The following MAPK14 variants were observed in gnomAD, a reference collection of about 807,000 sequenced individuals.
The protein encoded by MAPK14 is mitogen-activated protein kinase 14.
A neutral mutation model predicts 49.6 loss-of-function variants in MAPK14; 16 were observed. The ratio of observed to expected loss-of-function variants is 0.32; its 90% CI spans 0.22 to 0.49. The LOEUF (loss-of-function observed/expected upper bound fraction) is 0.49. Among genes scored for constraint, MAPK14 ranks in the 20% least tolerant of loss-of-function variants. MAPK14 has a pLI of 0.99. For synonymous variants in MAPK14, 142 were observed against 158.0 expected, an observed-to-expected ratio of 0.90 and a Z score of 0.76; for missense variants, 200 against 441.2, an observed-to-expected ratio of 0.45 and a Z score of 4.90.
At position 36,028,383 on chromosome 6, in the gene MAPK14, G is replaced by T; in HGVS notation, c.116+110G>T. 1.3e-6 allele frequency: 1 copy of T among 751,152 alleles called. No homozygotes were observed. 46.5% of individuals were successfully genotyped at this position (751,152 alleles called of 1,614,324 possible). A position where few individuals can be genotyped will look rare whatever the true frequency, so the allele number is the denominator to read the frequency against. ...CGTCAAGTGGCAGGAATTTTCCTCGGGGGAGGGCATTGCTGCCCCTTCGAG... is the reference window on the plus strand; with the variant it reads ...CGTCAAGTGGCAGGAATTTTCCTCGTGGGAGGGCATTGCTGCCCCTTCGAG... On this transcript the variant is annotated intron_variant, in intron 1 of 11. Transcript: ENST00000229794. The surrounding 1 kb of genome is among the most constrained non-coding windows in gnomAD (Gnocchi z 5.1).
intron 1 of MAPK14, among the ~76,000 whole-genome samples, chr6:36,036,210 C>T (rs1315264060): frequency 1.4e-5 from 2 of 141,868 alleles, no homozygotes; most frequent in African/African-American, 5.2e-5. Flanking sequence ...CAACCGAGAT[C>T]GTGCCACTGC....
At chr6:36,074,168 T>A (rs1296556468) in intron 6 of MAPK14, 72 bp downstream of exon 6, 2 of 1,130,294 alleles carry the variant, frequency 1.8e-6, no homozygotes, top group East Asian at 4.8e-5. Context: ...AGGCAGACTT[T>A]CTTAGGGAGT....
intron 8 of MAPK14, among the ~76,000 whole-genome samples, chr6:36,095,590 A>G (rs973341751): frequency 6.6e-6 from 1 of 152,168 alleles, no homozygotes; most frequent in Non-Finnish European, 1.5e-5. Context: ...TTATCAGTGC[A>G]CTTTGCTGAA....
chr6:36,033,454 T>G (rs544793435), intron 1 of MAPK14, among the ~76,000 whole-genome samples: 1 of 152,082 alleles, frequency 6.6e-6, no homozygotes, highest in Non-Finnish European at 1.5e-5. Flanking sequence ...ATAGCTGAGA[T>G]TACAAGTGCG....
chr6:36,028,400 C>T lies in MAPK14; in HGVS notation c.116+127C>T, dbSNP rs1762394094. On this transcript the variant is annotated intron_variant, in intron 1 of 11. Coordinates refer to ENST00000229794, the MANE Select transcript of MAPK14 (RefSeq NM_139012.3). This position sits in a 1 kb window ranked among gnomAD's most constrained non-coding sequence, Gnocchi z 5.1. The stretch of plus-strand genomic sequence containing the variant: ...TTTCCTCGGGGGAGGGCATTGCTGC[C>T]CCTTCGAGCTCTGCCCGTTCTGCAC... 7.6e-6 allele frequency: 5 copies of T among 660,054 alleles called. No individual in the cohort carries two copies. Among genetic ancestry groups the T allele is most frequent in the South Asian group, 7.3e-5 (4 of 55,078 alleles). 40.9% of individuals were successfully genotyped at this position (660,054 alleles called of 1,614,324 possible). A position where few individuals can be genotyped will look rare whatever the true frequency, so the allele number is the denominator to read the frequency against.
chr6:36,071,885 T>C (rs1414449205), intron 3 of MAPK14, among the ~76,000 whole-genome samples: 1 of 152,170 alleles, frequency 6.6e-6, no homozygotes, highest in Non-Finnish European at 1.5e-5. Flanking sequence ...TTTTATTTTT[T>C]GTAGAGATGG....
intron 9 of MAPK14, 82 bp downstream of exon 9, chr6:36,096,148 G>A: frequency 1.1e-6 from 1 of 949,388 alleles, no homozygotes; most frequent in South Asian, 1.4e-5. Flanking sequence ...TGACCTGGGT[G>A]TGTTTGTAAG....
intron 1 of MAPK14, among the ~76,000 whole-genome samples, chr6:36,043,664 A>G (rs1763051327): frequency 6.6e-6 from 1 of 152,182 alleles, no homozygotes; most frequent in Non-Finnish European, 1.5e-5. Context: ...GTTATTTAGA[A>G]GGCAAGTTTT....
intron 3 of MAPK14, among the ~76,000 whole-genome samples, chr6:36,066,286 G>C (rs1764054095): frequency 6.6e-6 from 1 of 151,978 alleles, no homozygotes; most frequent in African/African-American, 2.4e-5. Flanking sequence ...TCTGATCTAA[G>C]GCTATGATTA....
At chr6:36,117,777 C>T in the MAPK14 span, among the ~76,000 whole-genome samples, 1 of 152,178 alleles carries the variant, frequency 6.6e-6, no homozygotes, top group Non-Finnish European at 1.5e-5. Context: ...TGCATGTCAT[C>T]GAAGACAGAT....
intron 5 of MAPK14, 65 bp downstream of exon 5, chr6:36,073,785 T>C: frequency 6.8e-7 from 1 of 1,467,784 alleles, no homozygotes. Context: ...GAATGGCATT[T>C]AGCCAAGATC....
At chr6:36,124,061 G>T in the MAPK14 span, among the ~76,000 whole-genome samples, 2 of 151,644 alleles carry the variant, frequency 1.3e-5, no homozygotes, top group East Asian at 3.9e-4. Flanking sequence ...TGGAGGAGGT[G>T]CAGGGGAGTG....
At chr6:36,070,800 G>A (rs557817748) in intron 3 of MAPK14, among the ~76,000 whole-genome samples, 1 of 152,114 alleles carries the variant, frequency 6.6e-6, no homozygotes, top group African/African-American at 2.4e-5. Flanking sequence ...TAAATATAGT[G>A]TATTAGTTGT....
intron 8 of MAPK14, among the ~76,000 whole-genome samples, chr6:36,090,354 C>T (rs1765170479): frequency 6.6e-6 from 1 of 151,664 alleles, no homozygotes; most frequent in African/African-American, 2.4e-5. Flanking sequence ...GATGGAGTCT[C>T]ACTCTGTTGC....
At chr6:36,043,997 A>C (rs1301048916) in intron 1 of MAPK14, among the ~76,000 whole-genome samples, 1 of 151,018 alleles carries the variant, frequency 6.6e-6, no homozygotes, top group East Asian at 1.9e-4. Context: ...TTTAGTAGAG[A>C]CGGGATTTCT....
chr6:36,078,708 T>C (rs1463819608), intron 8 of MAPK14, among the ~76,000 whole-genome samples: 1 of 152,234 alleles, frequency 6.6e-6, no homozygotes, highest in Non-Finnish European at 1.5e-5. Context: ...TCTACTTGGC[T>C]CTTTTTCAGA....
intron 1 of MAPK14, among the ~76,000 whole-genome samples, chr6:36,044,925 G>A (rs1237204958): frequency 6.6e-6 from 1 of 152,122 alleles, no homozygotes; most frequent in Non-Finnish European, 1.5e-5. Flanking sequence ...CTTAGCCTAG[G>A]AGTTCAAGAC....
intron 8 of MAPK14, among the ~76,000 whole-genome samples, chr6:36,079,373 T>G (rs1383530756): frequency 6.6e-6 from 1 of 152,202 alleles, no homozygotes; most frequent in African/African-American, 2.4e-5. Context: ...TGTCACTTAT[T>G]TATGATATTT....
At chr6:36,114,946 G>A (rs1217452842), downstream of MAPK14, among the ~76,000 whole-genome samples, 1 of 152,186 alleles carries the variant, frequency 6.6e-6, no homozygotes, top group Non-Finnish European at 1.5e-5. Flanking sequence ...CTCACGAGTT[G>A]ACAGGGGGCA....
Sources: allele counts gnomAD v4.1 joint callset (sites outside exome capture counted in the v4.1 genomes callset), GRCh38; gene constraint gnomAD v4.1.1; non-coding constraint Gnocchi (gnomAD v3.1); transcripts MANE v1.5; gene names NCBI Gene and HGNC (gene_info 2026-07-23, HGNC 2026-07-21).